CRPPA: variants seen among roughly 807,000 people sequenced by gnomAD.
CRPPA encodes D-ribitol-5-phosphate cytidylyltransferase.
Under a neutral mutation model 52.0 loss-of-function variants are expected in CRPPA, and 43 were observed. That is an observed-to-expected ratio of 0.83 (90% CI 0.65 to 1.07). CRPPA has a LOEUF of 1.07. Among genes scored for constraint, CRPPA ranks in the 50% least tolerant of loss-of-function variants. The pLI is 0.00. For synonymous variants in CRPPA, 250 were observed against 203.5 expected (o/e 1.23, Z -1.94); for missense variants, 629 against 551.7 (o/e 1.14, Z -1.40).
At chr7:16,123,256 A>G (rs1052661934) in intron 9 of CRPPA, among the ~76,000 whole-genome samples, 1 of 152,248 alleles carries the variant, frequency 6.6e-6, no homozygotes, top group East Asian at 1.9e-4. Context: ...CTTCCCTTCA[A>G]AACAAAATAG....
intron 9 of CRPPA, among the ~76,000 whole-genome samples, chr7:16,105,348 C>T (rs1055109037): frequency 7.9e-5 from 12 of 152,228 alleles, no homozygotes; most frequent in African/African-American, 2.7e-4. Flanking sequence ...CCTCATCCTC[C>T]TCTAAGATGG....
chr7:16,402,115 T>C (rs1482094112), intron 2 of CRPPA, among the ~76,000 whole-genome samples: 1 of 152,110 alleles, frequency 6.6e-6, no homozygotes, highest in Non-Finnish European at 1.5e-5. Context: ...AAGTCCCTCA[T>C]TTAAAAGGTA....
intron 9 of CRPPA, among the ~76,000 whole-genome samples, chr7:16,104,903 GAA>G (rs541325740): frequency 2.8e-5 from 3 of 106,844 alleles, no homozygotes; most frequent in African/African-American, 9.2e-5. Flanking sequence ...CCATCTCAAA[GAA>G]AAAAAAAAAA....
chr7:16,101,745 A>C (rs1361346303), intron 9 of CRPPA, among the ~76,000 whole-genome samples: 4 of 152,228 alleles, frequency 2.6e-5, no homozygotes, highest in South Asian at 2.1e-4. Flanking sequence ...AATACAACTC[A>C]GAAGGGATGT....
intron 5 of CRPPA, among the ~76,000 whole-genome samples, chr7:16,280,178 G>A (rs1784291512): frequency 6.6e-6 from 1 of 152,208 alleles, no homozygotes; most frequent in African/African-American, 2.4e-5. Context: ...TGGGGACACA[G>A]CCAAACCATG....
intron 2 of CRPPA, among the ~76,000 whole-genome samples, chr7:16,398,967 C>A (rs1313918898): frequency 6.6e-6 from 1 of 152,202 alleles, no homozygotes. Context: ...CACGTGACAC[C>A]TGACCAGCCC....
chr7:16,335,408 C>A (rs1785656473), intron 3 of CRPPA, among the ~76,000 whole-genome samples: 2 of 151,950 alleles, frequency 1.3e-5, no homozygotes, highest in Admixed American at 6.6e-5. Context: ...CTGAAATTTA[C>A]TAAAGTGTGG....
intron 3 of CRPPA, 36 bp downstream of exon 3, chr7:16,376,056 A>G (rs1786872709): frequency 1.1e-5 from 17 of 1,542,948 alleles, no homozygotes; most frequent in East Asian, 2.4e-5. Context: ...GGAACCTGAC[A>G]TAACAGCAGC....
chr7:16,167,985 AT>A (rs1781102384), intron 9 of CRPPA, among the ~76,000 whole-genome samples: 2 of 152,058 alleles, frequency 1.3e-5, no homozygotes, highest in Non-Finnish European at 2.9e-5. Flanking sequence ...GTTACTGAAT[AT>A]TTTTTCCCTT....
chr7:16,409,108 G>A (rs1788021857), intron 1 of CRPPA, among the ~76,000 whole-genome samples: 1 of 152,198 alleles, frequency 6.6e-6, no homozygotes, highest in South Asian at 2.1e-4. Context: ...CGCCATACTG[G>A]CCAGGCTGGT....
chr7:16,182,486 CT>C (rs1356113039), intron 9 of CRPPA, among the ~76,000 whole-genome samples: 10 of 152,004 alleles, frequency 6.6e-5, no homozygotes, highest in African/African-American at 2.4e-4. Context: ...TACAAAGGTG[CT>C]TTATATCCAA....
At chr7:16,374,034 T>C (rs1336031511) in intron 3 of CRPPA, among the ~76,000 whole-genome samples, 1 of 152,144 alleles carries the variant, frequency 6.6e-6, no homozygotes, top group Non-Finnish European at 1.5e-5. Context: ...TGATGGTTAA[T>C]ATTAGGTATT....
At chr7:16,326,043 C>T (rs1156471793) in intron 3 of CRPPA, among the ~76,000 whole-genome samples, 1 of 133,000 alleles carries the variant, frequency 7.5e-6, no homozygotes, top group Admixed American at 7.8e-5. Context: ...TGTAAATATG[C>T]TTTAAGTAAG....
intron 9 of CRPPA, among the ~76,000 whole-genome samples, chr7:16,096,876 G>A (rs1397411674): frequency 1.3e-5 from 2 of 152,150 alleles, no homozygotes; most frequent in African/African-American, 2.4e-5. Context: ...CATGTTGACA[G>A]AAGTTATTTT....
intron 6 of CRPPA, among the ~76,000 whole-genome samples, chr7:16,272,536 C>T (rs181827329): frequency 5.4e-4 from 82 of 152,226 alleles, no homozygotes; most frequent in Admixed American, 4.5e-3. Context: ...TTTACACATT[C>T]CTTTCAAAGT....
chr7:16,383,664 G>A (rs1000891744), intron 2 of CRPPA, among the ~76,000 whole-genome samples: 8 of 152,200 alleles, frequency 5.3e-5, no homozygotes, highest in Non-Finnish European at 1.0e-4. Context: ...CGAGCTTCCA[G>A]GCTGCTTTGT....
intron 9 of CRPPA, among the ~76,000 whole-genome samples, chr7:16,145,824 A>T (rs1782963839): frequency 6.6e-6 from 1 of 152,178 alleles, no homozygotes; most frequent in Non-Finnish European, 1.5e-5. Context: ...TGATTAATGA[A>T]ACATCATCAA....
intron 9 of CRPPA, among the ~76,000 whole-genome samples, chr7:16,099,907 A>G (rs1289632783): frequency 6.6e-6 from 1 of 152,166 alleles, no homozygotes; most frequent in Admixed American, 6.5e-5. Context: ...CTAGTTTTCT[A>G]TTGTCATGCT....
chr7:16,171,957 G>A (rs982815522), intron 9 of CRPPA, among the ~76,000 whole-genome samples: 2 of 152,136 alleles, frequency 1.3e-5, no homozygotes, highest in Non-Finnish European at 2.9e-5. Flanking sequence ...GTTTAGACAT[G>A]TAATAAAGGC....
Sources: gnomAD v4.1 joint callset for allele counts (sites outside exome capture counted in the v4.1 genomes callset) on GRCh38, gnomAD v4.1.1 for gene constraint, MANE v1.5 for transcripts, NCBI Gene and HGNC (gene_info 2026-07-23, HGNC 2026-07-21) for gene names.